Variants in KIAA1755 observed in about 807,000 individuals in gnomAD.
KIAA1755 encodes the protein uncharacterized protein KIAA1755.
KIAA1755 carries 68 observed loss-of-function variants against 91.7 expected under a neutral mutation model. The observed-to-expected ratio is 0.74, with a 90% CI of 0.61 to 0.91. The LOEUF is 0.91. Among genes scored for constraint, KIAA1755 ranks in the 40% least tolerant of loss-of-function variants. The pLI is 0.00. For missense variants in KIAA1755, 1,535 were observed against 1,494.4 expected, an observed-to-expected ratio of 1.03 and a Z score of -0.45; for synonymous variants, 610 against 604.6, an observed-to-expected ratio of 1.01 and a Z score of -0.13.
chr20:38,260,580 G>A lies in KIAA1755; in HGVS notation c.-80C>T. 4.1e-6 allele frequency: 6 copies of A among 1,467,798 alleles called. No homozygotes were observed. Among genetic ancestry groups the A allele is most frequent in the Non-Finnish European group, 5.4e-6 (6 of 1,111,626 alleles). The allele number at this position is 1,467,798 out of a possible 1,614,324, so 90.9% of individuals were successfully genotyped here. A position where few individuals can be genotyped will look rare whatever the true frequency, so the allele number is the denominator to read the frequency against. On this transcript the variant is annotated 5_prime_UTR_variant, in exon 1 of 14. Coordinates refer to ENST00000279024, the MANE Select transcript of KIAA1755 (RefSeq NM_001029864.2). Reference sequence around the variant, plus strand: ...GTGGGTCCGCGGGTCCGTCTGTCTGGGGCAGCCCTCGGTCCCGCCTAGCCC... The same window carrying A: ...GTGGGTCCGCGGGTCCGTCTGTCTGAGGCAGCCCTCGGTCCCGCCTAGCCC...
chr20:38,246,958 C>T (rs1388705004), intron 1 of KIAA1755, among the ~76,000 whole-genome samples: 1 of 152,330 alleles, frequency 6.6e-6, no homozygotes, highest in East Asian at 1.9e-4. Context: ...CAGCCAGGTG[C>T]TCCGCGCTGT....
chr20:38,241,388 A>G lies in KIAA1755; in HGVS notation c.743T>C (p.Leu248Pro). Residue 248 changes from leucine (L) to proline (P), a missense_variant, in exon 3 of 14, where the codon CTC becomes CCC. Leu to Pro is a moderately conservative substitution (Grantham distance 98, BLOSUM62 -3). Transcript: ENST00000279024. ...GRTYGSKYPGLIKVEQARCGE... is the reference protein window; with the variant it reads ...GRTYGSKYPGPIKVEQARCGE... Reference sequence around the variant, plus strand: ...ACACCGGGCTTGCTCCACCTTGATGAGTCCTGGATACTTGCTCCCATATGT... The same window carrying G: ...ACACCGGGCTTGCTCCACCTTGATGGGTCCTGGATACTTGCTCCCATATGT... 1 of 1,614,140 alleles carries G rather than the reference A, an allele frequency of 6.2e-7. No individual in the cohort carries two copies. The highest frequency in any genetic ancestry group is 8.5e-7 in the Non-Finnish European group (1 of 1,180,016).
In KIAA1755 at chr20:38,213,552, C is replaced by G; in HGVS notation, c.3093G>C (p.Gln1031His). Residue 1031 changes from glutamine to histidine, a missense_variant, in exon 14 of 14, where the codon CAG becomes CAC. Transcript: ENST00000279024. ...TGATCCGGGCCTCCTCCCATAGCTC[C>G]TGGCCCAGGCCTGCCCGGCTCAGGG... is the stretch of plus-strand genomic sequence containing the variant. ...VASLSRAGLG[Q>H]ELWEEARIRH... is the part of the protein sequence containing the mutation. The G allele has an allele frequency of 6.2e-7, 1 of 1,608,716 alleles. No homozygotes were observed. The highest frequency in any genetic ancestry group is 1.1e-5 in the South Asian group (1 of 90,802).
chr20:38,222,609 G>C lies in KIAA1755; in HGVS notation c.2269-12C>G. 4 of 1,610,642 alleles carry C rather than the reference G, an allele frequency of 2.5e-6. No individual in the cohort carries two copies. Among genetic ancestry groups the C allele is most frequent in the Non-Finnish European group, 3.4e-6 (4 of 1,179,880 alleles). On this transcript the variant is annotated splice_polypyrimidine_tract_variant and intron_variant, in intron 9 of 13. Transcript: ENST00000279024. The stretch of plus-strand genomic sequence containing the variant: ...CACCTGGTAGCCTCCTGCCAGCGTA[G>C]GGAGGTGCCCTGAGGCCCCATCCCC...
At chr20:38,219,368 C>T (rs944333538) in intron 11 of KIAA1755, among the ~76,000 whole-genome samples, 5 of 152,234 alleles carry the variant, frequency 3.3e-5, no homozygotes, top group African/African-American at 7.2e-5. Context: ...ATGTTCACAA[C>T]GGCTCTGGCC....
intron 1 of KIAA1755, among the ~76,000 whole-genome samples, chr20:38,248,465 G>C (rs2076193959): frequency 6.6e-6 from 1 of 152,066 alleles, no homozygotes; most frequent in South Asian, 2.1e-4. Context: ...TTACCTGCAA[G>C]GTACTATACT....
At chr20:38,240,511 C>A (rs900532477) in intron 3 of KIAA1755, 71 bp downstream of exon 3, 12 of 1,408,058 alleles carry the variant, frequency 8.5e-6, no homozygotes, top group Admixed American at 2.7e-5. Context: ...CACTTACAAC[C>A]AAAACCACCT....
rs1367423912 is a variant in KIAA1755 at position 38,245,985 on chromosome 20, G to A, written c.145C>T (p.Leu49=). 1 of 1,614,050 alleles carries A rather than the reference G, an allele frequency of 6.2e-7. No individual in the cohort carries two copies. Among genetic ancestry groups the A allele is most frequent in the Non-Finnish European group, 8.5e-7 (1 of 1,180,032 alleles). ...GFQGDGLSFL[L]DFLIPAKRLC... ...CGCTTGGCAGGGATCAGGAAATCCA[G>A]AAGGAAGCTCAGCCCATCCCCCTGG... The change falls in exon 2 of 14, where the codon CTG becomes TTG. Residue 49 remains leucine, a synonymous_variant. Coordinates refer to ENST00000279024, the MANE Select transcript of KIAA1755 (RefSeq NM_001029864.2).
In KIAA1755 at chr20:38,240,720, G is replaced by A; in HGVS notation, c.1411C>T (p.Leu471Phe). ...TSSPEPPTPG[L>F]KFSFLRGQRQ... ...TGCCCTCTCAAGAATGAGAATTTGA[G>A]CCCAGGAGTGGGGGGCTCAGGGGAG... The change falls in exon 3 of 14, where the codon CTC becomes TTC. Residue 471 changes from leucine (L) to phenylalanine (F), a missense_variant. Coordinates refer to ENST00000279024, the MANE Select transcript of KIAA1755 (RefSeq NM_001029864.2). 1 of 1,569,240 alleles carries A rather than the reference G, an allele frequency of 6.4e-7. No homozygotes were observed. The highest frequency in any genetic ancestry group is 8.6e-7 in the Non-Finnish European group (1 of 1,158,476).
At chr20:38,239,809 G>T in intron 3 of KIAA1755, 84 bp from the exon 4 acceptor site, 3 of 1,215,130 alleles carry the variant, frequency 2.5e-6, no homozygotes, top group Non-Finnish European at 3.6e-6. Flanking sequence ...TTCTCTTTCT[G>T]ACTAATAATA....
intron 1 of KIAA1755, among the ~76,000 whole-genome samples, chr20:38,253,514 C>A (rs917486073): frequency 1.3e-5 from 2 of 152,092 alleles, no homozygotes; most frequent in African/African-American, 4.8e-5. Context: ...GAAAGAGGCC[C>A]CTTGCCAGCC....
At chr20:38,218,896 T>A (rs1010102869) in intron 11 of KIAA1755, among the ~76,000 whole-genome samples, 2 of 152,150 alleles carry the variant, frequency 1.3e-5, no homozygotes, top group African/African-American at 4.8e-5. Context: ...GGGGTAGACA[T>A]GAAGATTCAA....
chr20:38,234,071 C>A (rs1282334520), intron 4 of KIAA1755, among the ~76,000 whole-genome samples: 1 of 152,152 alleles, frequency 6.6e-6, no homozygotes, highest in Non-Finnish European at 1.5e-5. Context: ...AAGGAAACAA[C>A]CCTGCCAACA....
chr20:38,218,382 C>A lies in KIAA1755; in HGVS notation c.2557-16G>T. On this transcript the variant is annotated splice_polypyrimidine_tract_variant and intron_variant, in intron 11 of 13. Transcript: ENST00000279024. ...AGTCGCTGACCTGGGGCAGGAGAGGCAGATTTGGACATGAGGGGCTGCTAG... is the reference window on the plus strand; with the variant it reads ...AGTCGCTGACCTGGGGCAGGAGAGGAAGATTTGGACATGAGGGGCTGCTAG... The A allele has an allele frequency of 2.5e-6, 4 of 1,613,686 alleles. No homozygotes were observed. Among genetic ancestry groups the A allele is most frequent in the Non-Finnish European group, 3.4e-6 (4 of 1,179,858 alleles).
rs117071078 is a variant in KIAA1755, at chr20:38,229,699, T to C, written c.1872-1459A>G. Among the ~76,000 whole-genome samples, 537 of 152,278 alleles carry C rather than the reference T, an allele frequency of 3.5e-3. 5 individuals are homozygous for C. In the East Asian group the frequency reaches 0.042, roughly 12 times the overall value. On this transcript the variant is annotated intron_variant, in intron 5 of 13. Transcript: ENST00000279024. ...GCACTGCACTCCACAGTTTACATCC[T>C]CTACACCCCCTCATCCCTGCCACTT...
At chr20:38,217,125 G>A in intron 13 of KIAA1755, 128 bp downstream of exon 13, 1 of 780,712 alleles carries the variant, frequency 1.3e-6, no homozygotes, top group South Asian at 1.7e-5. Context: ...GCTGTGTCTA[G>A]GTATCCAAGG....
At chr20:38,255,944 G>T (rs2123348384) in intron 1 of KIAA1755, among the ~76,000 whole-genome samples, 1 of 152,210 alleles carries the variant, frequency 6.6e-6, no homozygotes, top group East Asian at 1.9e-4. Context: ...ACCACATCAT[G>T]ATCACAATTG....
At chr20:38,257,450 A>T (rs1453846251) in intron 1 of KIAA1755, among the ~76,000 whole-genome samples, 1 of 152,016 alleles carries the variant, frequency 6.6e-6, no homozygotes, top group East Asian at 1.9e-4. Flanking sequence ...GCCTAGTGTC[A>T]CACACCTATA....
Position 38,245,911 on chromosome 20 carries a change from G to C in KIAA1755, c.201+18C>G. The C allele has an allele frequency of 6.2e-7, 1 of 1,612,688 alleles. No homozygotes were observed. The highest frequency in any genetic ancestry group is 8.5e-7 in the Non-Finnish European group (1 of 1,178,898). On this transcript the variant is annotated intron_variant, in intron 2 of 13. Transcript: ENST00000279024. ...CTGGAACAGCTTGTTCCCTGTCCCT[G>C]TTTCCCTCTTGACTTACACAGGCTG... is the stretch of plus-strand genomic sequence containing the variant.
Sources: gnomAD v4.1 joint callset for allele counts (sites outside exome capture counted in the v4.1 genomes callset) on GRCh38, gnomAD v4.1.1 for gene constraint, MANE v1.5 for transcripts, NCBI Gene and HGNC (gene_info 2026-07-23, HGNC 2026-07-21) for gene names.